Variants in STX17 observed in about 807,000 individuals in gnomAD.
The protein encoded by STX17 is syntaxin-17.
A neutral mutation model predicts 35.9 loss-of-function variants in STX17; 29 were observed. The observed-to-expected ratio is 0.81, with a 90% CI of 0.60 to 1.10. The LOEUF is 1.10. Among genes scored for constraint, STX17 ranks in the 50% least tolerant of loss-of-function variants. The pLI, the probability that STX17 is intolerant of heterozygous loss-of-function variation, is 0.00. For missense variants in STX17, 312 were observed against 352.3 expected (o/e 0.89, Z 0.92); for synonymous variants, 92 against 118.3 (o/e 0.78, Z 1.44).
intron 4 of STX17, among the ~76,000 whole-genome samples, chr9:99,953,602 G>A (rs936589156): frequency 1.3e-5 from 2 of 152,060 alleles, no homozygotes; most frequent in African/African-American, 4.8e-5. Context: ...TGGAGTAACT[G>A]AGTTTTATAG....
Position 99,972,191 on chromosome 9 carries a change from T to C in STX17, c.*3518T>C, listed in dbSNP as rs188262363. On this transcript the variant is annotated 3_prime_UTR_variant, in exon 8 of 8. Coordinates refer to ENST00000259400, the MANE Select transcript of STX17 (RefSeq NM_017919.3). ...AAACTATAAAATCAAGAAAGAGTAT[T>C]TCAATCCCATCCACCTGCCTGCAAG... is the stretch of plus-strand genomic sequence containing the variant. 9.8e-5 allele frequency among the ~76,000 whole-genome samples: 15 copies of C among 152,336 alleles called. No homozygotes were observed. The highest frequency in any genetic ancestry group is 3.6e-4 in the African/African-American group (15 of 41,568).
At position 99,915,502 on chromosome 9, in the gene STX17, A is replaced by G. The variant is rs1828750961; in HGVS notation, c.123+140A>G. The G allele has an allele frequency of 9.5e-6, 10 of 1,056,904 alleles. No homozygotes were observed. The South Asian group carries it at 2.0e-4, about 21-fold the overall frequency. The allele number at this position is 1,056,904 out of a possible 1,614,324, so 65.5% of individuals were successfully genotyped here. On this transcript the variant is annotated intron_variant, in intron 2 of 7. Coordinates refer to ENST00000259400, the MANE Select transcript of STX17 (RefSeq NM_017919.3). ...TCCTATTGATTTAGCAACATTATGC[A>G]TTTTTTAGCTGGTTTTTCTGTTCTG...
chr9:99,943,204 G>C (rs1430632749), intron 3 of STX17, among the ~76,000 whole-genome samples: 3 of 152,164 alleles, frequency 2.0e-5, no homozygotes, highest in African/African-American at 7.2e-5. Flanking sequence ...CGCGATCTCT[G>C]CTCACTGCAA....
At chr9:99,942,955 G>A (rs1829396309) in intron 3 of STX17, among the ~76,000 whole-genome samples, 1 of 152,128 alleles carries the variant, frequency 6.6e-6, no homozygotes, top group Non-Finnish European at 1.5e-5. Flanking sequence ...ATATCTAATA[G>A]AGGAAGTTCT....
chr9:99,919,201 C>T (rs1458429183), intron 2 of STX17, among the ~76,000 whole-genome samples: 1 of 152,128 alleles, frequency 6.6e-6, no homozygotes, highest in Non-Finnish European at 1.5e-5. Flanking sequence ...CATAAACTTT[C>T]AACCAATCCT....
At chr9:99,915,838 G>A (rs1177994016) in intron 2 of STX17, among the ~76,000 whole-genome samples, 1 of 152,200 alleles carries the variant, frequency 6.6e-6, no homozygotes, top group Non-Finnish European at 1.5e-5. Context: ...GATTACAGGT[G>A]TGAGCCGTGG....
intron 3 of STX17, among the ~76,000 whole-genome samples, chr9:99,944,878 T>C (rs2118453713): frequency 6.6e-6 from 1 of 152,294 alleles, no homozygotes; most frequent in South Asian, 2.1e-4. Context: ...ATGTCTTTCT[T>C]CATTATTGGT....
intron 2 of STX17, among the ~76,000 whole-genome samples, 180 bp from the exon 3 acceptor site, chr9:99,928,598 G>A (rs1370716983): frequency 6.6e-6 from 1 of 151,898 alleles, no homozygotes; most frequent in Non-Finnish European, 1.5e-5. Flanking sequence ...AATTTTGTAT[G>A]CAACATTCTT....
chr9:99,929,706 A>G (rs1044287774), intron 3 of STX17: 2 of 151,598 alleles, frequency 1.3e-5, no homozygotes, highest in African/African-American at 4.8e-5. Context: ...TTAAATTAAT[A>G]TAATATAAAC....
chr9:99,956,535 TG>T (rs374441844), intron 4 of STX17, among the ~76,000 whole-genome samples: 24 of 152,286 alleles, frequency 1.6e-4, no homozygotes, highest in African/African-American at 5.5e-4. Context: ...TTTTCTTGGT[TG>T]ATGTGAAAAT....
chr9:99,915,211 C>G lies in STX17; in HGVS notation c.-29C>G. On this transcript the variant is annotated 5_prime_UTR_variant, in exon 2 of 8. The change creates a premature stop within an existing upstream ORF in the 5' untranslated region. Transcript: ENST00000259400. The stretch of plus-strand genomic sequence containing the variant: ...ATATGAGTGGAGAAGACAGCTGTTA[C>G]CAGGGAGGTCATACAACATTTTTTT... 6.3e-7 allele frequency: 1 copy of G among 1,597,878 alleles called. No individual in the cohort carries two copies. Among genetic ancestry groups the G allele is most frequent in the Non-Finnish European group, 8.5e-7 (1 of 1,173,276 alleles).
Position 99,973,601 on chromosome 9 carries a change from C to A in STX17, c.*4928C>A, listed in dbSNP as rs1329834414. 1.3e-5 allele frequency among the ~76,000 whole-genome samples: 2 copies of A among 152,174 alleles called. No homozygotes were observed. Among genetic ancestry groups the A allele is most frequent in the African/African-American group, 4.8e-5 (2 of 41,420 alleles). On this transcript the variant is annotated 3_prime_UTR_variant, in exon 8 of 8. Transcript: ENST00000259400. ...TATCAAGACTTGTCCTGTCAATTCT[C>A]CCTTAAATGTTAGTTGCATCCATTT...
chr9:99,968,509 C>A lies in STX17; in HGVS notation c.745C>A (p.Leu249Ile), dbSNP rs769836449. The change falls in exon 8 of 8, where the codon CTC becomes ATC. Residue 249 changes from leucine to isoleucine, a missense_variant. Coordinates refer to ENST00000259400, the MANE Select transcript of STX17 (RefSeq NM_017919.3). ...IGGMVGGPIG[L>I]LAGFKVAGIA... ...GGGAATGGTAGGGGGTCCTATTGGCCTCCTTGCAGGCTTCAAAGTGGCAGG... is the reference window on the plus strand; with the variant it reads ...GGGAATGGTAGGGGGTCCTATTGGCATCCTTGCAGGCTTCAAAGTGGCAGG... 1.7e-5 allele frequency: 28 copies of A among 1,612,746 alleles called. No individual in the cohort carries two copies. Among genetic ancestry groups the A allele is most frequent in the Non-Finnish European group, 2.2e-5 (26 of 1,179,374 alleles).
intron 3 of STX17, among the ~76,000 whole-genome samples, chr9:99,934,313 A>G (rs1829182702): frequency 6.6e-6 from 1 of 152,196 alleles, no homozygotes; most frequent in Non-Finnish European, 1.5e-5. Flanking sequence ...CATTTTGAAT[A>G]ATAATTCAGG....
intron 4 of STX17, among the ~76,000 whole-genome samples, chr9:99,959,208 G>T (rs887517402): frequency 6.6e-6 from 1 of 152,036 alleles, no homozygotes; most frequent in African/African-American, 2.4e-5. Context: ...TGGATAGATA[G>T]TATTTGTAGC....
intron 4 of STX17, among the ~76,000 whole-genome samples, chr9:99,956,212 TTCTTTACTGAGGGAAA>T (rs1829708018): frequency 6.6e-6 from 1 of 152,166 alleles, no homozygotes; most frequent in African/African-American, 2.4e-5. Flanking sequence ...AACATTTTTA[TTCTTTACTGAGGGAAA>T]TCTTTTATGT....
At chr9:99,912,194 C>A (rs1828680156) in intron 1 of STX17, among the ~76,000 whole-genome samples, 1 of 151,550 alleles carries the variant, frequency 6.6e-6, no homozygotes, top group East Asian at 2.0e-4. Flanking sequence ...CCACTGCACT[C>A]CAGCCTGGGT....
chr9:99,964,835 G>A (rs1443749935), intron 6 of STX17, among the ~76,000 whole-genome samples: 3 of 152,316 alleles, frequency 2.0e-5, no homozygotes, highest in South Asian at 2.1e-4. Flanking sequence ...TGACAACTCT[G>A]TGACAATAGT....
intron 2 of STX17, among the ~76,000 whole-genome samples, chr9:99,927,983 A>G (rs950437787): frequency 2.6e-5 from 4 of 152,124 alleles, no homozygotes; most frequent in African/African-American, 9.7e-5. Flanking sequence ...GGGAATTTTT[A>G]TGTTTCTATC....
Sources: allele counts gnomAD v4.1 joint callset (sites outside exome capture counted in the v4.1 genomes callset), GRCh38; gene constraint gnomAD v4.1.1; transcripts MANE v1.5; gene names NCBI Gene and HGNC (gene_info 2026-07-23, HGNC 2026-07-21).